ZNF93: variants seen among roughly 807,000 people sequenced by gnomAD.
ZNF93 encodes the protein zinc finger protein 505.
Under a neutral mutation model 45.0 loss-of-function variants are expected in ZNF93, and 29 were observed. That is an observed-to-expected ratio of 0.64 (90% CI 0.48 to 0.88). The LOEUF is 0.88. Among genes scored for constraint, ZNF93 ranks in the 40% least tolerant of loss-of-function variants. The probability of loss-of-function intolerance (pLI) is 0.00; values close to 1 mark genes in which losing one functional copy is unlikely to be tolerated. For missense variants in ZNF93, 578 were observed against 724.0 expected (o/e 0.80, Z 2.31); for synonymous variants, 223 against 244.6 (o/e 0.91, Z 0.82).
At chr19:19,911,113 G>C (rs577876504) in intron 1 of ZNF93, among the ~76,000 whole-genome samples, 1 of 152,290 alleles carries the variant, frequency 6.6e-6, no homozygotes, top group Non-Finnish European at 1.5e-5. Flanking sequence ...TGTAATACTA[G>C]AGTAGAGTAT....
intron 3 of ZNF93, chr19:19,932,275 C>T (rs1464034060): frequency 1.9e-5 from 3 of 154,742 alleles, no homozygotes; most frequent in African/African-American, 7.2e-5. Flanking sequence ...TCAGTTTGGT[C>T]TTATTATATT....
intron 3 of ZNF93, among the ~76,000 whole-genome samples, chr19:19,923,149 A>G (rs913035786): frequency 6.6e-6 from 1 of 152,078 alleles, no homozygotes; most frequent in East Asian, 1.9e-4. Flanking sequence ...TTTTCCTTCT[A>G]ACAGTCAGGA....
intron 1 of ZNF93, among the ~76,000 whole-genome samples, chr19:19,906,906 T>C (rs1283407968): frequency 6.7e-6 from 1 of 150,214 alleles, no homozygotes; most frequent in African/African-American, 2.5e-5. Flanking sequence ...TATAACATCT[T>C]TTTCTCTTCT....
chr19:19,901,347 G>A (rs1327025578), intron 1 of ZNF93, among the ~76,000 whole-genome samples: 14 of 152,190 alleles, frequency 9.2e-5, no homozygotes. Context: ...CTGCGCACCC[G>A]CAGAGCCGCT....
At position 19,933,953 on chromosome 19, in the gene ZNF93, G is replaced by T. The variant is rs1599575251; in HGVS notation, c.998G>T (p.Arg333Ile). The change falls in exon 4 of 4, where the codon AGA becomes ATA. Residue 333 changes from arginine to isoleucine, a missense_variant. Coordinates refer to ENST00000343769, the MANE Select transcript of ZNF93 (RefSeq NM_031218.4). ...KYSRILTTHK[R>I]IHTGEKPYKC... Reference sequence around the variant, plus strand: ...TCCCGTATCCTTACTACACATAAGAGAATTCATACTGGAGAGAAACCATAC... The same window carrying T: ...TCCCGTATCCTTACTACACATAAGATAATTCATACTGGAGAGAAACCATAC... The T allele has an allele frequency of 9.3e-6, 15 of 1,611,452 alleles. No individual in the cohort carries two copies. The highest frequency in any genetic ancestry group is 1.3e-5 in the Non-Finnish European group (15 of 1,179,092).
chr19:19,934,668 C>G lies in ZNF93; in HGVS notation c.1713C>G (p.Gly571=), dbSNP rs1351138118. ...GEKPYRCREC[G]KAFNHSATLS... ...AACCTTATAGATGTAGAGAATGTGGCAAAGCTTTTAACCATTCTGCAACCC... is the reference window on the plus strand; with the variant it reads ...AACCTTATAGATGTAGAGAATGTGGGAAAGCTTTTAACCATTCTGCAACCC... Residue 571 remains glycine (G), a synonymous_variant, in exon 4 of 4, where the codon GGC becomes GGG. Transcript: ENST00000343769. 8 of 1,613,560 alleles carry G rather than the reference C, an allele frequency of 5.0e-6. No individual in the cohort carries two copies. In the South Asian group the frequency reaches 8.8e-5, roughly 18 times the overall value.
At position 19,933,310 on chromosome 19, in the gene ZNF93, A is replaced by G. The variant is rs2063380225; in HGVS notation, c.355A>G (p.Ser119Gly). The change falls in exon 4 of 4, where the codon AGT becomes GGT. Residue 119 changes from serine to glycine, a missense_variant. Ser to Gly is a moderately conservative substitution (Grantham distance 56). This residue lies in a region of ZNF93 where 446 missense variants were observed against 547.6 expected (regional missense o/e 0.81). Transcript: ENST00000343769. ...GNLQLIKRCE[S>G]VDECKVHTGG... is the part of the protein sequence containing the mutation. ...TTTACAGTTAATAAAAAGGTGTGAAAGTGTAGATGAGTGTAAGGTGCACAC... is the reference window on the plus strand; with the variant it reads ...TTTACAGTTAATAAAAAGGTGTGAAGGTGTAGATGAGTGTAAGGTGCACAC... 1 of 1,612,414 alleles carries G rather than the reference A, an allele frequency of 6.2e-7. No homozygotes were observed. The highest frequency in any genetic ancestry group is 8.5e-7 in the Non-Finnish European group (1 of 1,179,196).
chr19:19,913,705 G>T (rs949752597), intron 1 of ZNF93, among the ~76,000 whole-genome samples: 1 of 152,130 alleles, frequency 6.6e-6, no homozygotes, highest in Admixed American at 6.5e-5. Context: ...TTTTCTGCCA[G>T]AAGATGTCAT....
chr19:19,930,433 G>T (rs1460723507), intron 3 of ZNF93, among the ~76,000 whole-genome samples: 1 of 152,152 alleles, frequency 6.6e-6, no homozygotes, highest in Non-Finnish European at 1.5e-5. Flanking sequence ...CTCCACAAGA[G>T]GTGGAGGAGT....
At chr19:19,926,206 G>C (rs1476527169) in intron 3 of ZNF93, 1 of 150,050 alleles carries the variant, frequency 6.7e-6, no homozygotes, top group Non-Finnish European at 1.5e-5. Context: ...AGTCTCCCAA[G>C]TAGATGGGAT....
At chr19:19,932,183 G>C (rs985013965) in intron 3 of ZNF93, 1 of 166,854 alleles carries the variant, frequency 6.0e-6, no homozygotes, top group South Asian at 1.2e-4. Context: ...TGAGGCAGGG[G>C]AATCACTAGA....
At chr19:19,906,181 C>CA (rs140755854) in intron 1 of ZNF93, among the ~76,000 whole-genome samples, 28,911 of 152,082 alleles carry the variant, frequency 0.19, 5,678 homozygotes, top group African/African-American at 0.5. Context: ...CCTTTCTCTG[C>CA]ACCTTGCCAG....
rs763127727 is a variant in ZNF93, at chr19:19,934,614, T to C, written c.1659T>C (p.Thr553=). 7.4e-6 allele frequency: 12 copies of C among 1,613,940 alleles called. No homozygotes were observed. The highest frequency in any genetic ancestry group is 1.0e-5 in the Non-Finnish European group (12 of 1,179,986). The change falls in exon 4 of 4, where the codon ACT becomes ACC. Residue 553 remains threonine, a synonymous_variant. Coordinates refer to ENST00000343769, the MANE Select transcript of ZNF93 (RefSeq NM_031218.4). The part of the protein sequence containing the change: ...GKAFHLSTHL[T]THKILHTGEK... ...CTTTTCACCTATCCACACACCTTACTACACATAAGATACTTCATACTGGAG... is the reference window on the plus strand; with the variant it reads ...CTTTTCACCTATCCACACACCTTACCACACATAAGATACTTCATACTGGAG...
At position 19,933,856 on chromosome 19, in the gene ZNF93, A is replaced by G; in HGVS notation, c.901A>G (p.Thr301Ala). ...GKAFNQSSTLTKHKKIHTGEK... is the reference protein window; with the variant it reads ...GKAFNQSSTLAKHKKIHTGEK... ...AGCTTTTAACCAATCCTCAACACTT[A>G]CTAAACATAAGAAAATTCATACTGG... The change falls in exon 4 of 4, where the codon ACT becomes GCT. Residue 301 changes from threonine to alanine, a missense_variant. Physicochemically the swap from Thr to Ala is moderately conservative, Grantham distance 58 (BLOSUM62 0). This residue lies in a region of ZNF93 where 446 missense variants were observed against 547.6 expected (regional missense o/e 0.81). Transcript: ENST00000343769. 2 of 1,613,360 alleles carry G rather than the reference A, an allele frequency of 1.2e-6. No homozygotes were observed. The highest frequency in any genetic ancestry group is 1.7e-6 in the Non-Finnish European group (2 of 1,179,922).
intron 3 of ZNF93, among the ~76,000 whole-genome samples, chr19:19,919,539 TGGG>T (rs1027627374): frequency 6.6e-6 from 1 of 152,212 alleles, no homozygotes; most frequent in Non-Finnish European, 1.5e-5. Flanking sequence ...TAAATTACCT[TGGG>T]CAGTATGGCC....
intron 1 of ZNF93, among the ~76,000 whole-genome samples, chr19:19,912,800 G>A (rs891493411): frequency 1.5e-4 from 23 of 152,110 alleles, no homozygotes. Context: ...CCAGCTCCCC[G>A]GGTGTTAAGA....
rs948063176 is a variant in ZNF93 at position 19,921,407 on chromosome 19, A to G, written c.226+4752A>G. On this transcript the variant is annotated intron_variant, in intron 3 of 3. Coordinates refer to ENST00000343769, the MANE Select transcript of ZNF93 (RefSeq NM_031218.4). The stretch of plus-strand genomic sequence containing the variant: ...TAAGTGCAGTGTGGTGCTGAGAAGA[A>G]TGTATATTCTGTTGATTTGGGGTGG... 3.3e-5 allele frequency among the ~76,000 whole-genome samples: 5 copies of G among 152,326 alleles called. No homozygotes were observed. In the East Asian group the frequency reaches 9.6e-4, roughly 29 times the overall value.
At chr19:19,922,844 CT>C (rs1321097011) in intron 3 of ZNF93, among the ~76,000 whole-genome samples, 1 of 152,114 alleles carries the variant, frequency 6.6e-6, no homozygotes, top group Non-Finnish European at 1.5e-5. Context: ...TTCGTCTAAT[CT>C]TTTTTCAAGG....
chr19:19,927,235 A>C, intron 3 of ZNF93: 2 of 398,504 alleles, frequency 5.0e-6, no homozygotes, highest in Non-Finnish European at 8.8e-6. Flanking sequence ...TCTCTATGAA[A>C]AAAATTTAAT....
Sources: gnomAD v4.1 joint callset for allele counts (sites outside exome capture counted in the v4.1 genomes callset) on GRCh38, gnomAD v4.1.1 for gene constraint, gnomAD v4.1.1 regional missense constraint, MANE v1.5 for transcripts, NCBI Gene and HGNC (gene_info 2026-07-23, HGNC 2026-07-21) for gene names.